The following LARGE1 variants were observed in gnomAD, a reference collection of about 807,000 sequenced individuals.
The protein encoded by LARGE1 is LARGE xylosyl- and glucuronyltransferase 1, also known as xylosyl- and glucuronyltransferase LARGE1.
A neutral mutation model predicts 87.6 loss-of-function variants in LARGE1; 43 were observed. The observed-to-expected ratio is 0.49, with a 90% CI of 0.38 to 0.63. The LOEUF is 0.63. Among genes scored for constraint, LARGE1 ranks in the 30% least tolerant of loss-of-function variants. LARGE1 has a pLI of 0.00. For synonymous variants in LARGE1, 434 were observed against 394.6 expected (o/e 1.10, Z -1.18); for missense variants, 802 against 1,000.2 (o/e 0.80, Z 2.67).
chr22:33,570,614 C>T (rs1441172623), intron 5 of LARGE1, among the ~76,000 whole-genome samples: 2 of 143,382 alleles, frequency 1.4e-5, no homozygotes, highest in African/African-American at 5.3e-5. Context: ...CACCACTGCA[C>T]TCCAGCCTGG....
chr22:33,231,004 T>C (rs1925978952), intron 11 of LARGE1, among the ~76,000 whole-genome samples: 2 of 152,226 alleles, frequency 1.3e-5, no homozygotes, highest in South Asian at 4.1e-4. Context: ...CCTTCTCAAA[T>C]GGACTCTTCT....
At chr22:33,166,466 A>G (rs993235502) in exon 12 of LARGE1, 7 of 302,036 alleles carry the variant, frequency 2.3e-5, no homozygotes, top group Admixed American at 2.2e-4. Flanking sequence ...TACCACTTCA[A>G]TCTTACCACG....
At chr22:33,477,648 C>G (rs895825494) in intron 6 of LARGE1, among the ~76,000 whole-genome samples, 2 of 152,124 alleles carry the variant, frequency 1.3e-5, no homozygotes, top group Non-Finnish European at 2.9e-5. Context: ...CAGTGAGCTC[C>G]GCCAGGTCTT....
At chr22:33,809,150 T>C (rs2086410848) in intron 1 of LARGE1, among the ~76,000 whole-genome samples, 1 of 151,932 alleles carries the variant, frequency 6.6e-6, no homozygotes. Flanking sequence ...TGGGTGCCTG[T>C]AATCCCAGCT....
intron 12 of LARGE1, among the ~76,000 whole-genome samples, chr22:33,294,129 G>T (rs1026272223): frequency 3.9e-5 from 6 of 152,214 alleles, no homozygotes; most frequent in Non-Finnish European, 7.3e-5. Context: ...GGCAGGGGTT[G>T]GGGAATTCCC....
intron 12 of LARGE1, 138 bp from the exon 13 acceptor site, chr22:33,283,486 G>A: frequency 1.1e-6 from 1 of 943,022 alleles, no homozygotes; most frequent in South Asian, 1.4e-5. Flanking sequence ...TTAAAGATGG[G>A]GAAACTGGGC....
chr22:33,667,758 A>G (rs2081307889), intron 2 of LARGE1, among the ~76,000 whole-genome samples: 2 of 152,232 alleles, frequency 1.3e-5, no homozygotes, highest in South Asian at 4.1e-4. Context: ...ATAAACTAGG[A>G]ACACTTTAGT....
At chr22:33,195,120 C>G (rs543059154) in intron 11 of LARGE1, among the ~76,000 whole-genome samples, 1 of 152,030 alleles carries the variant, frequency 6.6e-6, no homozygotes, top group Non-Finnish European at 1.5e-5. Context: ...TTATTAGAAC[C>G]GTCATATCTC....
intron 8 of LARGE1, among the ~76,000 whole-genome samples, chr22:33,383,887 G>A (rs944320476): frequency 2.6e-5 from 4 of 152,192 alleles, no homozygotes; most frequent in Non-Finnish European, 5.9e-5. Flanking sequence ...GTCAGTAGAC[G>A]CTAAGCTCTA....
At chr22:33,203,066 ACTCTCTCTCTCTCTCT>A (rs35446457) in intron 11 of LARGE1, among the ~76,000 whole-genome samples, 49 of 139,462 alleles carry the variant, frequency 3.5e-4, no homozygotes, top group Middle Eastern at 3.7e-3. Flanking sequence ...TAGAATCTAA[ACTCTCTCTCTCTCTCT>A]CTCTCTCTCT....
At chr22:33,409,021 T>C (rs1454440480) in intron 7 of LARGE1, among the ~76,000 whole-genome samples, 1 of 152,174 alleles carries the variant, frequency 6.6e-6, no homozygotes, top group African/African-American at 2.4e-5. Flanking sequence ...GTTGGCTCAA[T>C]AAGCAAAGCA....
chr22:33,724,247 G>C (rs1399439972), intron 2 of LARGE1: 1 of 152,466 alleles, frequency 6.6e-6, no homozygotes, highest in African/African-American at 2.4e-5. Context: ...AGGTAGAGAA[G>C]TGTCAGCAAA....
chr22:33,307,649 C>T lies in LARGE1; in HGVS notation c.1452-3142G>A, dbSNP rs117991094. ...CTATACAGATAAGGGGCCTGGGCAC[C>T]GGCATTTCAGGAGCTTTTATTCTAG... On this transcript the variant is annotated intron_variant, in intron 11 of 14. Transcript: ENST00000397394. Among the ~76,000 whole-genome samples, 525 of 152,224 alleles carry T rather than the reference C, an allele frequency of 3.4e-3. 4 individuals carry two copies. The highest frequency in any genetic ancestry group is 0.027 in the East Asian group (142 of 5,190).
intron 11 of LARGE1, among the ~76,000 whole-genome samples, chr22:33,262,858 C>T (rs886292246): frequency 2.7e-5 from 4 of 148,576 alleles, no homozygotes; most frequent in African/African-American, 9.9e-5. Context: ...CTTTCTTTTT[C>T]TTTCTTCCCT....
intron 6 of LARGE1, among the ~76,000 whole-genome samples, chr22:33,475,363 A>C (rs1308158346): frequency 6.6e-6 from 1 of 152,178 alleles, no homozygotes; most frequent in Non-Finnish European, 1.5e-5. Context: ...AAGGAGATCA[A>C]GGTAGAGAAA....
At chr22:33,669,208 T>C (rs959299077) in intron 2 of LARGE1, among the ~76,000 whole-genome samples, 1 of 152,218 alleles carries the variant, frequency 6.6e-6, no homozygotes, top group Admixed American at 6.5e-5. Flanking sequence ...TAGCTTTCCA[T>C]CTATCTTTCA....
chr22:33,683,533 T>C (rs552335102), intron 2 of LARGE1, among the ~76,000 whole-genome samples: 1 of 151,930 alleles, frequency 6.6e-6, no homozygotes, highest in East Asian at 1.9e-4. Flanking sequence ...ACAGAATCAA[T>C]AGGATGGATG....
chr22:33,229,082 C>T (rs1005019814), intron 11 of LARGE1, among the ~76,000 whole-genome samples: 6 of 152,132 alleles, frequency 3.9e-5, no homozygotes, highest in Non-Finnish European at 7.4e-5. Context: ...TGTAGGTGAT[C>T]TAAATTCATT....
intron 7 of LARGE1, among the ~76,000 whole-genome samples, chr22:33,403,439 G>GC (rs2065991246): frequency 6.6e-6 from 1 of 152,136 alleles, no homozygotes; most frequent in South Asian, 2.1e-4. Context: ...GAGTAATAGG[G>GC]AGTAGTGTCT....
Sources: allele counts gnomAD v4.1 joint callset (sites outside exome capture counted in the v4.1 genomes callset), GRCh38; gene constraint gnomAD v4.1.1; transcripts MANE v1.5; gene names NCBI Gene and HGNC (gene_info 2026-07-23, HGNC 2026-07-21).